Variants in SLC16A6 observed in about 807,000 individuals in gnomAD.
The protein encoded by SLC16A6 is monocarboxylate transporter 7.
SLC16A6 carries 15 observed loss-of-function variants against 33.8 expected under a neutral mutation model. That is an observed-to-expected ratio of 0.44 (90% confidence interval 0.30 to 0.68). The LOEUF is 0.68. SLC16A6 is among the 30% of genes least tolerant of loss of function. The pLI is 0.10. For synonymous variants in SLC16A6, 219 were observed against 248.4 expected (o/e 0.88, Z 1.11); for missense variants, 451 against 661.5 (o/e 0.68, Z 3.49).
chr17:68,276,992 C>A (rs987966780), intron 2 of SLC16A6, among the ~76,000 whole-genome samples: 2 of 152,140 alleles, frequency 1.3e-5, no homozygotes, highest in African/African-American at 2.4e-5. Flanking sequence ...GAAACAGGTG[C>A]TTGGAATTCA....
chr17:68,290,680 G>C (rs1271365800), intron 1 of SLC16A6, among the ~76,000 whole-genome samples: 1 of 152,246 alleles, frequency 6.6e-6, no homozygotes, highest in African/African-American at 2.4e-5. Context: ...AGGTACCTCT[G>C]ACATTTCGCT....
chr17:68,287,670 A>C (rs963064286), intron 1 of SLC16A6, among the ~76,000 whole-genome samples: 11 of 152,058 alleles, frequency 7.2e-5, no homozygotes, highest in African/African-American at 2.4e-4. Flanking sequence ...GACACCCTGA[A>C]CCCCGTCCTA....
chr17:68,283,452 C>T (rs1413540170), intron 1 of SLC16A6, among the ~76,000 whole-genome samples: 1 of 149,072 alleles, frequency 6.7e-6, no homozygotes, highest in African/African-American at 2.5e-5. Flanking sequence ...ACCCGGGAGG[C>T]GGAGCTTGCA....
chr17:68,280,980 A>G (rs8065158), intron 1 of SLC16A6, among the ~76,000 whole-genome samples: 75,950 of 151,680 alleles, frequency 0.5, 21,258 homozygotes, highest in African/African-American at 0.76. Context: ...CGAAAAATTA[A>G]CTGGGCCTGG....
intron 5 of SLC16A6, 28 bp downstream of exon 5, chr17:68,270,811 G>T: frequency 6.5e-7 from 1 of 1,544,554 alleles, no homozygotes; most frequent in Non-Finnish European, 8.8e-7. Context: ...AAGTAGACAA[G>T]TGTTTGTATT....
chr17:68,278,059 C>G, intron 2 of SLC16A6, 30 bp downstream of exon 2: 3 of 1,518,874 alleles, frequency 2.0e-6, no homozygotes, highest in Non-Finnish European at 2.7e-6. Context: ...CCTATACTTA[C>G]GTCATGGTTA....
At position 68,268,011 on chromosome 17, in the gene SLC16A6, T is replaced by C. The variant is rs1555746967; in HGVS notation, c.*1085A>G. ...AAGAAGTTCCTCAAGTATTCTTAAA[T>C]GATAAAACAAATTAGTTTTGAAAGC... On this transcript the variant is annotated 3_prime_UTR_variant, in exon 6 of 6. Coordinates refer to ENST00000580666, the MANE Select transcript of SLC16A6 (RefSeq NM_004694.5). The C allele has an allele frequency of 2.0e-5, 3 of 152,246 alleles. No individual in the cohort carries two copies. The highest frequency in any genetic ancestry group is 7.2e-5 in the African/African-American group (3 of 41,472). The allele number at this position is 152,246 out of a possible 1,614,324, so 9.4% of individuals were successfully genotyped here.
chr17:68,277,393 G>A (rs1695542709), intron 2 of SLC16A6, among the ~76,000 whole-genome samples: 1 of 151,952 alleles, frequency 6.6e-6, no homozygotes, highest in South Asian at 2.1e-4. Context: ...GCTTTCCAAA[G>A]TGCTGGGATT....
chr17:68,272,572 C>G (rs1368557301), intron 4 of SLC16A6, 67 bp downstream of exon 4: 6 of 1,571,484 alleles, frequency 3.8e-6, no homozygotes, highest in Middle Eastern at 1.9e-4. Context: ...CAAAAGTTAG[C>G]GTAGCAAGAA....
In SLC16A6 at chr17:68,268,833, A is replaced by G; in HGVS notation, c.*263T>C. 1 of 486,712 alleles carries G rather than the reference A, an allele frequency of 2.1e-6. No individual in the cohort carries two copies. The highest frequency in any genetic ancestry group is 3.6e-6 in the Non-Finnish European group (1 of 275,818). The allele number at this position is 486,712 out of a possible 1,614,324, so 30.1% of individuals were successfully genotyped here. ...CTTTCTACATATCTCTTGTATTGCTACTGAATACAGCCAGATTTATATATG... is the reference window on the plus strand; with the variant it reads ...CTTTCTACATATCTCTTGTATTGCTGCTGAATACAGCCAGATTTATATATG... On this transcript the variant is annotated 3_prime_UTR_variant, in exon 6 of 6. Coordinates refer to ENST00000580666, the MANE Select transcript of SLC16A6 (RefSeq NM_004694.5).
At position 68,267,279 on chromosome 17, in the gene SLC16A6, C is replaced by T. The variant is rs1270674800; in HGVS notation, c.*1817G>A. 3 of 152,096 alleles carry T rather than the reference C, an allele frequency of 2.0e-5. No individual in the cohort carries two copies. The highest frequency in any genetic ancestry group is 4.8e-5 in the African/African-American group (2 of 41,388). The allele number at this position is 152,096 out of a possible 1,614,324, so 9.4% of individuals were successfully genotyped here. Reference sequence around the variant, plus strand: ...ATAGTAAAAAATATGTCGTAAAGTGCTGAAGTCATGTAAGTCTGCAAAACT... The same window carrying T: ...ATAGTAAAAAATATGTCGTAAAGTGTTGAAGTCATGTAAGTCTGCAAAACT... On this transcript the variant is annotated 3_prime_UTR_variant, in exon 6 of 6. Coordinates refer to ENST00000580666, the MANE Select transcript of SLC16A6 (RefSeq NM_004694.5).
At chr17:68,279,515 G>A (rs1029171132) in intron 1 of SLC16A6, among the ~76,000 whole-genome samples, 1 of 152,082 alleles carries the variant, frequency 6.6e-6, no homozygotes, top group African/African-American at 2.4e-5. Flanking sequence ...GAATTTCCAA[G>A]TACATGATGA....
At chr17:68,282,294 T>C (rs550662328) in intron 1 of SLC16A6, among the ~76,000 whole-genome samples, 1 of 151,796 alleles carries the variant, frequency 6.6e-6, no homozygotes, top group African/African-American at 2.4e-5. Flanking sequence ...TAGGTGGGAA[T>C]TGAACAATGA....
chr17:68,270,313 T>G (rs1380952438), intron 5 of SLC16A6, among the ~76,000 whole-genome samples: 1 of 152,026 alleles, frequency 6.6e-6, no homozygotes, highest in East Asian at 1.9e-4. Flanking sequence ...CCTAGTACTT[T>G]GGGAGGCCAA....
At position 68,278,222 on chromosome 17, in the gene SLC16A6, G is replaced by A. The variant is rs782014041; in HGVS notation, c.99C>T (p.Phe33=). 4.0e-5 allele frequency: 64 copies of A among 1,614,028 alleles called. No individual in the cohort carries two copies. The highest frequency in any genetic ancestry group is 4.7e-5 in the Non-Finnish European group (55 of 1,180,004). The change falls in exon 2 of 6, where the codon TTC becomes TTT. Residue 33 remains phenylalanine, a synonymous_variant. Transcript: ENST00000580666. Reference sequence around the variant, plus strand: ...TGATGCCGTAGGTGAAGACTTCAACGAAGAAAAATGAAACAGCTACCGCCC... The same window carrying A: ...TGATGCCGTAGGTGAAGACTTCAACAAAGAAAAATGAAACAGCTACCGCCC... ...WGWAVAVSFF[F]VEVFTYGIIK... is the part of the protein sequence containing the mutation.
At chr17:68,291,341 T>C (rs1357095004), upstream of SLC16A6, 1 of 136,346 alleles carries the variant, frequency 7.3e-6, no homozygotes, top group Non-Finnish European at 1.6e-5. Context: ...GGGCCGTGCG[T>C]GCTGCCGCCC....
chr17:68,287,745 A>G (rs981909713), intron 1 of SLC16A6, among the ~76,000 whole-genome samples: 12 of 152,160 alleles, frequency 7.9e-5, no homozygotes, highest in African/African-American at 2.9e-4. Context: ...AGCTTTGAAG[A>G]TAAGACCACA....
At position 68,271,673 on chromosome 17, in the gene SLC16A6, A is replaced by C. The variant is rs782436259; in HGVS notation, c.506-19T>G. 6 of 1,595,842 alleles carry C rather than the reference A, an allele frequency of 3.8e-6. No individual in the cohort carries two copies. Among genetic ancestry groups the C allele is most frequent in the East Asian group, 4.5e-5 (2 of 44,642 alleles). The stretch of plus-strand genomic sequence containing the variant: ...ATGATTGCTTGAATAGGCAGGAGTG[A>C]AGAAGAAATAATATAAGGTCAATAA... On this transcript the variant is annotated intron_variant, in intron 4 of 5. Transcript: ENST00000580666. The surrounding 1 kb of genome is among the most constrained non-coding windows in gnomAD (Gnocchi z 5.3).
intron 1 of SLC16A6, chr17:68,285,539 G>A (rs62087134): frequency 0.36 from 54,409 of 152,172 alleles, 9,862 homozygotes; most frequent in East Asian, 0.39. Context: ...GTGTGGTGGT[G>A]CGCACCTGTG....
Sources: allele counts gnomAD v4.1 joint callset (sites outside exome capture counted in the v4.1 genomes callset), GRCh38; gene constraint gnomAD v4.1.1; non-coding constraint Gnocchi (gnomAD v3.1); transcripts MANE v1.5; gene names NCBI Gene and HGNC (gene_info 2026-07-23, HGNC 2026-07-21).